Variants in DNAJC3 observed in about 807,000 individuals in gnomAD.
The protein encoded by DNAJC3 is DnaJ heat shock protein family (Hsp40) member C3, also known as dnaJ homolog subfamily C member 3.
DNAJC3 carries 38 observed loss-of-function variants against 68.6 expected under a neutral mutation model. The observed-to-expected ratio is 0.55, with a 90% confidence interval of 0.43 to 0.73. The LOEUF is 0.73. DNAJC3 is among the 30% of genes least tolerant of loss of function. The pLI is 0.00. For synonymous variants in DNAJC3, 203 were observed against 204.0 expected, an observed-to-expected ratio of 1.00 and a Z score of 0.04; for missense variants, 526 against 591.9, an observed-to-expected ratio of 0.89 and a Z score of 1.16.
At position 95,677,173 on chromosome 13, in the gene DNAJC3, G is replaced by A; in HGVS notation, c.-83G>A. Reference sequence around the variant, plus strand: ...GAGGCCTGAGCGAGAGCCGACGGCGGGCGGGCGCAGCTGCTGCCGGAGCGC... The same window carrying A: ...GAGGCCTGAGCGAGAGCCGACGGCGAGCGGGCGCAGCTGCTGCCGGAGCGC... On this transcript the variant is annotated 5_prime_UTR_variant, in exon 1 of 12. Transcript: ENST00000602402. The A allele has an allele frequency of 2.2e-6, 3 of 1,335,962 alleles. No individual in the cohort carries two copies. Among genetic ancestry groups the A allele is most frequent in the South Asian group, 1.3e-5 (1 of 75,258 alleles). 82.8% of individuals were successfully genotyped at this position (1,335,962 alleles called of 1,614,324 possible).
chr13:95,749,815 CGAGGCAGGCG>C (rs1297159050), intron 4 of DNAJC3, among the ~76,000 whole-genome samples: 1 of 151,930 alleles, frequency 6.6e-6, no homozygotes, highest in East Asian at 1.9e-4. Flanking sequence ...TTTGTGAGGC[CGAGGCAGGCG>C]GATCATCAGG....
chr13:95,713,450 G>T (rs908642037), intron 2 of DNAJC3, among the ~76,000 whole-genome samples: 1 of 152,142 alleles, frequency 6.6e-6, no homozygotes, highest in Non-Finnish European at 1.5e-5. Context: ...AGAACACTTT[G>T]CTGAAAACCA....
intron 1 of DNAJC3, among the ~76,000 whole-genome samples, chr13:95,708,754 C>T (rs17879630): frequency 6.6e-6 from 1 of 152,168 alleles, no homozygotes; most frequent in Admixed American, 6.5e-5. Flanking sequence ...TCTCCTCCCA[C>T]GATAACATCA....
At chr13:95,758,049 TGA>T (rs1191066693) in intron 5 of DNAJC3, among the ~76,000 whole-genome samples, 1 of 152,192 alleles carries the variant, frequency 6.6e-6, no homozygotes, top group East Asian at 1.9e-4. Flanking sequence ...CTATTTTAGT[TGA>T]TTTTGTATTT....
At chr13:95,759,721 T>C (rs17885330) in intron 5 of DNAJC3, among the ~76,000 whole-genome samples, 351 of 152,324 alleles carry the variant, frequency 2.3e-3, no homozygotes, top group Middle Eastern at 0.01. Flanking sequence ...AACCCTCCAA[T>C]AGTAAATGCT....
intron 4 of DNAJC3, among the ~76,000 whole-genome samples, chr13:95,730,742 C>T (rs1180887199): frequency 6.6e-6 from 1 of 152,104 alleles, no homozygotes; most frequent in Non-Finnish European, 1.5e-5. Context: ...AGTCAGGTAG[C>T]CTGATGCCTC....
chr13:95,742,855 C>T (rs1306010997), intron 4 of DNAJC3: 2 of 518,276 alleles, frequency 3.9e-6, no homozygotes, highest in Non-Finnish European at 3.9e-6. Context: ...GAAGTATTCA[C>T]TACGCCGTAG....
At chr13:95,729,330 T>C (rs1296265609) in intron 4 of DNAJC3, among the ~76,000 whole-genome samples, 3 of 118,150 alleles carry the variant, frequency 2.5e-5, no homozygotes, top group African/African-American at 1.0e-4. Context: ...CCCTGTCCTT[T>C]TCCCTCTCCC....
chr13:95,779,351 C>T (rs1169812259), intron 9 of DNAJC3, among the ~76,000 whole-genome samples: 1 of 152,030 alleles, frequency 6.6e-6, no homozygotes, highest in Non-Finnish European at 1.5e-5. Flanking sequence ...GTCTCGATCT[C>T]CTGACCTCGT....
intron 1 of DNAJC3, among the ~76,000 whole-genome samples, chr13:95,708,506 C>G (rs764649290): frequency 6.6e-6 from 1 of 152,166 alleles, no homozygotes; most frequent in Non-Finnish European, 1.5e-5. Flanking sequence ...TGCATGCTCC[C>G]GACTTAGGAC....
intron 1 of DNAJC3, among the ~76,000 whole-genome samples, chr13:95,700,225 A>G (rs1880549123): frequency 6.6e-6 from 1 of 152,212 alleles, no homozygotes; most frequent in Non-Finnish European, 1.5e-5. Flanking sequence ...AGCTGGGATT[A>G]CAGGTCTGCA....
At chr13:95,781,261 G>A (rs1400090834) in intron 9 of DNAJC3, among the ~76,000 whole-genome samples, 2 of 152,114 alleles carry the variant, frequency 1.3e-5, no homozygotes, top group Non-Finnish European at 2.9e-5. Flanking sequence ...GCTGCAGCCA[G>A]TGGCTCCATA....
At chr13:95,721,842 T>C (rs1881332703) in intron 2 of DNAJC3, among the ~76,000 whole-genome samples, 1 of 152,138 alleles carries the variant, frequency 6.6e-6, no homozygotes, top group African/African-American at 2.4e-5. Context: ...TCCCCTGGCA[T>C]TTTCAATGCC....
At chr13:95,756,535 G>A (rs903078315) in intron 4 of DNAJC3, among the ~76,000 whole-genome samples, 25 of 152,182 alleles carry the variant, frequency 1.6e-4, no homozygotes, top group African/African-American at 6.0e-4. Context: ...TATTGATAAA[G>A]TTTCTCATTT....
At chr13:95,736,203 C>G (rs144246308) in intron 4 of DNAJC3, among the ~76,000 whole-genome samples, 2,588 of 152,218 alleles carry the variant, frequency 0.017, 79 homozygotes, top group African/African-American at 0.059. Context: ...GTACTAGTAC[C>G]ATGCTGCTTT....
intron 4 of DNAJC3, among the ~76,000 whole-genome samples, chr13:95,729,423 C>A (rs764281663): frequency 4.6e-5 from 7 of 151,072 alleles, no homozygotes; most frequent in Non-Finnish European, 7.4e-5. Context: ...CACACACATA[C>A]CCCATACTTA....
At chr13:95,764,021 C>T (rs1381300869) in intron 9 of DNAJC3, 68 bp downstream of exon 9, 1 of 1,560,456 alleles carries the variant, frequency 6.4e-7, no homozygotes, top group African/African-American at 1.4e-5. Context: ...TTTTAAGCTT[C>T]CTTTTCCTTA....
intron 9 of DNAJC3, among the ~76,000 whole-genome samples, chr13:95,776,719 G>A (rs9561953): frequency 0.4 from 61,480 of 151,998 alleles, 12,937 homozygotes; most frequent in East Asian, 0.51. Flanking sequence ...GGAAAATTTA[G>A]TGTACTTCCT....
At chr13:95,790,691 C>G (rs1204881409) in intron 11 of DNAJC3, among the ~76,000 whole-genome samples, 182 bp from the exon 12 acceptor site, 1 of 152,046 alleles carries the variant, frequency 6.6e-6, no homozygotes, top group Non-Finnish European at 1.5e-5. Context: ...GCAAATTTCT[C>G]TAGTCTGTTT....
Sources: gnomAD v4.1 joint callset for allele counts (sites outside exome capture counted in the v4.1 genomes callset) on GRCh38, gnomAD v4.1.1 for gene constraint, MANE v1.5 for transcripts, NCBI Gene and HGNC (gene_info 2026-07-23, HGNC 2026-07-21) for gene names.